Variants in LMF1 observed in about 807,000 individuals in gnomAD.
The protein encoded by LMF1 is transmembrane protein 112.
LMF1 carries 68 observed loss-of-function variants against 60.6 expected under a neutral mutation model. The observed-to-expected ratio is 1.12, with a 90% CI of 0.92 to 1.37. The LOEUF is 1.37. Among genes scored for constraint, LMF1 ranks in the 40% most tolerant of loss-of-function variants. The pLI, the probability that LMF1 is intolerant of heterozygous loss-of-function variation, is 0.00. For missense variants in LMF1, 948 were observed against 767.2 expected (o/e 1.24, Z -2.78); for synonymous variants, 418 against 324.7 (o/e 1.29, Z -3.09).
chr16:938,392 C>T (rs9937496), intron 2 of LMF1, among the ~76,000 whole-genome samples: 10 of 150,472 alleles, frequency 6.6e-5, no homozygotes, highest in Non-Finnish European at 1.2e-4. Flanking sequence ...TGGGGCTGGA[C>T]GGCGGCTCGC....
At chr16:918,429 G>A (rs532556449) in intron 3 of LMF1, among the ~76,000 whole-genome samples, 5 of 152,188 alleles carry the variant, frequency 3.3e-5, no homozygotes, top group Non-Finnish European at 7.3e-5. Context: ...AATGCTTCCC[G>A]TCCACGGAAA....
intron 2 of LMF1, among the ~76,000 whole-genome samples, chr16:934,994 A>C (rs764355668): frequency 2.0e-5 from 3 of 152,198 alleles, no homozygotes; most frequent in Non-Finnish European, 4.4e-5. Context: ...GCTCAGTGCC[A>C]CACCTGACGT....
intron 5 of LMF1, among the ~76,000 whole-genome samples, chr16:891,036 CTGG>C (rs1409596664): frequency 6.6e-6 from 1 of 152,226 alleles, no homozygotes; most frequent in Non-Finnish European, 1.5e-5. Context: ...GCAGAGAGCT[CTGG>C]TGAGGGGCAG....
chr16:967,163 G>A (rs1235382080), intron 1 of LMF1, among the ~76,000 whole-genome samples: 3 of 152,192 alleles, frequency 2.0e-5, no homozygotes, highest in Non-Finnish European at 1.5e-5. Context: ...GCCTGTGGCC[G>A]CCCATGGACG....
At chr16:888,894 C>T (rs62013771) in intron 5 of LMF1, among the ~76,000 whole-genome samples, 29 of 152,172 alleles carry the variant, frequency 1.9e-4, no homozygotes, top group Middle Eastern at 3.4e-3. Context: ...GAGGCAGAGG[C>T]GTCCTCAGCT....
chr16:962,836 A>G lies in LMF1; in HGVS notation c.193+7952T>C, dbSNP rs978241603. ...GTTTTATTTTTAATAAAAAAATTTT[A>G]AAAAGTAAAGGTTTCTCGAAGACTC... is the stretch of plus-strand genomic sequence containing the variant. On this transcript the variant is annotated intron_variant, in intron 1 of 10. Coordinates refer to ENST00000262301, the MANE Select transcript of LMF1 (RefSeq NM_022773.4). This position sits in a 1 kb window ranked among gnomAD's most constrained non-coding sequence, Gnocchi z 4.5. Among the ~76,000 whole-genome samples, 1 of 152,192 alleles carries G rather than the reference A, an allele frequency of 6.6e-6. No homozygotes were observed. The highest frequency in any genetic ancestry group is 1.5e-5 in the Non-Finnish European group (1 of 68,024).
intron 8 of LMF1, 67 bp from the exon 9 acceptor site, chr16:870,133 T>TGG (rs553730849): frequency 6.6e-7 from 1 of 1,506,144 alleles, no homozygotes; most frequent in Non-Finnish European, 8.9e-7. Flanking sequence ...GGTGCATGGG[T>TGG]GGGGGGGGTT....
intron 4 of LMF1, among the ~76,000 whole-genome samples, chr16:896,392 C>A (rs916821803): frequency 2.0e-5 from 3 of 152,352 alleles, no homozygotes; most frequent in Non-Finnish European, 2.9e-5. Context: ...CCCTGTGCCC[C>A]CAACGACAGG....
rs539502389 is a variant in LMF1 at position 925,365 on chromosome 16, G to A, written c.514+8879C>T. On this transcript the variant is annotated intron_variant, in intron 3 of 10. Coordinates refer to ENST00000262301, the MANE Select transcript of LMF1 (RefSeq NM_022773.4). The stretch of plus-strand genomic sequence containing the variant: ...TTTTAAAACAGAAATGGCTAACAAC[G>A]TGATGGGAGAAATTCAAAACCAACA... Among the ~76,000 whole-genome samples, 10 of 152,306 alleles carry A rather than the reference G, an allele frequency of 6.6e-5. No individual in the cohort carries two copies. In the East Asian group the frequency reaches 1.7e-3, roughly 26 times the overall value.
chr16:865,044 GT>G (rs1189859844), intron 10 of LMF1, among the ~76,000 whole-genome samples: 1 of 152,100 alleles, frequency 6.6e-6, no homozygotes, highest in East Asian at 1.9e-4. Flanking sequence ...TTTCCTATGG[GT>G]TATGTAAGTG....
At chr16:938,108 G>A (rs892608829) in intron 2 of LMF1, among the ~76,000 whole-genome samples, 62 of 151,976 alleles carry the variant, frequency 4.1e-4, no homozygotes, top group African/African-American at 1.3e-3. Flanking sequence ...ATGTCTACCC[G>A]CCTCGCAGGA....
chr16:855,684 C>T (rs2069166198), intron 10 of LMF1: 1 of 455,778 alleles, frequency 2.2e-6, no homozygotes, highest in South Asian at 1.5e-5. Context: ...AGCTGGGCCC[C>T]AGCTGCCCGG....
chr16:880,408 A>C (rs973099148), intron 5 of LMF1, among the ~76,000 whole-genome samples: 21 of 152,216 alleles, frequency 1.4e-4, no homozygotes, highest in African/African-American at 4.6e-4. Flanking sequence ...ACGGTGGCTC[A>C]TGCCTGTGAT....
At chr16:884,746 C>A (rs1165553523) in intron 5 of LMF1, among the ~76,000 whole-genome samples, 1 of 88,410 alleles carries the variant, frequency 1.1e-5, no homozygotes. Context: ...ATGGAAACCT[C>A]GGTCTCCACG....
intron 1 of LMF1, among the ~76,000 whole-genome samples, chr16:969,630 G>T (rs1355543509): frequency 1.3e-5 from 2 of 152,240 alleles, no homozygotes; most frequent in Non-Finnish European, 2.9e-5. Flanking sequence ...AAAGGGAGAC[G>T]TCCAATGCCC....
chr16:932,894 C>T (rs922728084), intron 3 of LMF1, among the ~76,000 whole-genome samples: 1 of 151,240 alleles, frequency 6.6e-6, no homozygotes, highest in African/African-American at 2.5e-5. Flanking sequence ...CGCTCCCACA[C>T]GCGTGAGCAC....
At chr16:971,944 T>G (rs1021546606), upstream of LMF1, among the ~76,000 whole-genome samples, 2 of 152,248 alleles carry the variant, frequency 1.3e-5, no homozygotes, top group African/African-American at 4.8e-5. Context: ...TTTTTTGTTT[T>G]TGTTTTCATG....
At chr16:877,763 G>A (rs567700738) in intron 6 of LMF1, among the ~76,000 whole-genome samples, 203 of 152,174 alleles carry the variant, frequency 1.3e-3, no homozygotes, top group African/African-American at 4.6e-3. Flanking sequence ...AGGGATGGAC[G>A]TAGAACCGGC....
chr16:895,499 G>C (rs1000780252), intron 4 of LMF1, among the ~76,000 whole-genome samples: 1 of 152,180 alleles, frequency 6.6e-6, no homozygotes, highest in Non-Finnish European at 1.5e-5. Context: ...GGGAGCCGCC[G>C]GGTTCTCTGG....
Sources: allele counts gnomAD v4.1 joint callset (sites outside exome capture counted in the v4.1 genomes callset), GRCh38; gene constraint gnomAD v4.1.1; non-coding constraint Gnocchi (gnomAD v3.1); transcripts MANE v1.5; gene names NCBI Gene and HGNC (gene_info 2026-07-23, HGNC 2026-07-21).